The following DCDC1 variants were observed in gnomAD, a reference collection of about 807,000 sequenced individuals.
DCDC1 encodes doublecortin domain containing 1.
In DCDC1, 200 loss-of-function variants were observed where a neutral mutation model predicts 178.3. That is an observed-to-expected ratio of 1.12 (90% confidence interval 1.00 to 1.26). The LOEUF (loss-of-function observed/expected upper bound fraction) is 1.26. Among genes scored for constraint, DCDC1 ranks in the 50% most tolerant of loss-of-function variants. DCDC1 has a pLI of 0.00. For synonymous variants in DCDC1, 690 were observed against 604.8 expected (o/e 1.14, Z -2.07); for missense variants, 1,983 against 1,749.2 (o/e 1.13, Z -2.38).
chr11:31,201,613 A>C (rs528250459), intron 9 of DCDC1, among the ~76,000 whole-genome samples: 11 of 152,148 alleles, frequency 7.2e-5, no homozygotes, highest in Admixed American at 1.3e-4. Context: ...TTAAATAAAA[A>C]TATATTAAGA....
At chr11:31,008,198 G>A (rs576376639) in intron 20 of DCDC1, among the ~76,000 whole-genome samples, 1 of 152,336 alleles carries the variant, frequency 6.6e-6, no homozygotes, top group African/African-American at 2.4e-5. Context: ...GGATTAGGAA[G>A]TGGCAGTTGC....
intron 35 of DCDC1, 96 bp downstream of exon 35, chr11:30,894,152 A>C: frequency 6.8e-7 from 1 of 1,464,498 alleles, no homozygotes; most frequent in Non-Finnish European, 9.1e-7. Flanking sequence ...GATGCTGAGA[A>C]TATATTAACA....
At chr11:31,017,152 A>C (rs535324301) in intron 20 of DCDC1, among the ~76,000 whole-genome samples, 1 of 152,360 alleles carries the variant, frequency 6.6e-6, no homozygotes, top group Admixed American at 6.5e-5. Context: ...GATTAGCTAA[A>C]GAATAAAGCA....
intron 9 of DCDC1, among the ~76,000 whole-genome samples, chr11:31,182,068 A>G (rs1313621036): frequency 6.6e-6 from 1 of 152,240 alleles, no homozygotes; most frequent in African/African-American, 2.4e-5. Context: ...GAACAGACAA[A>G]GCCTCCAAGA....
rs760652210 is a variant in DCDC1, at chr11:30,906,540, C to T, written c.4104G>A (p.Glu1368=). The part of the protein sequence containing the change: ...QGPFKVISVA[E]VDLSCDKAEK... ...TAGCAGAGCTCAGATCATTACATAC[C>T]TCAGCCACACTGATGACCTTGAAGG... Residue 1368 remains glutamate (E), a splice_region_variant and synonymous_variant, in exon 30 of 39, where the codon GAG becomes GAA. Coordinates refer to ENST00000684477, the MANE Select transcript of DCDC1 (RefSeq NM_001387274.1). 4.3e-6 allele frequency: 7 copies of T among 1,611,698 alleles called. No individual in the cohort carries two copies. The highest frequency in any genetic ancestry group is 5.9e-6 in the Non-Finnish European group (7 of 1,178,936).
intron 9 of DCDC1, among the ~76,000 whole-genome samples, chr11:31,174,025 T>G (rs899231354): frequency 6.6e-6 from 1 of 152,102 alleles, no homozygotes; most frequent in Non-Finnish European, 1.5e-5. Flanking sequence ...TACACCCTTC[T>G]GAGTTTTCAG....
intron 9 of DCDC1, among the ~76,000 whole-genome samples, chr11:31,229,670 G>A (rs1975507060): frequency 6.6e-6 from 1 of 152,072 alleles, no homozygotes; most frequent in Admixed American, 6.5e-5. Flanking sequence ...GATATTAAGG[G>A]CCAATGACCA....
intron 38 of DCDC1, among the ~76,000 whole-genome samples, chr11:30,873,049 G>A (rs1170284412): frequency 1.3e-5 from 2 of 149,598 alleles, no homozygotes; most frequent in African/African-American, 2.5e-5. Context: ...CATATACCAT[G>A]TATATACAAG....
intron 34 of DCDC1, among the ~76,000 whole-genome samples, chr11:30,897,887 G>T (rs570634940): frequency 1.3e-5 from 2 of 152,094 alleles, no homozygotes; most frequent in African/African-American, 4.8e-5. Context: ...TGGAGGGGAA[G>T]TTCAAAGTGG....
rs923189117 is a variant in DCDC1, at chr11:31,116,739, A to G, written c.1486-6378T>C. Among the ~76,000 whole-genome samples the G allele has an allele frequency of 1.2e-4, 19 of 152,250 alleles. No individual in the cohort carries two copies. The South Asian group carries it at 3.3e-3, about 27-fold the overall frequency. ...GAAAAAGTGTTTTAATGCCTAATACATATGTCTTTAAATATTATTTAACAA... is the reference window on the plus strand; with the variant it reads ...GAAAAAGTGTTTTAATGCCTAATACGTATGTCTTTAAATATTATTTAACAA... On this transcript the variant is annotated intron_variant, in intron 11 of 38. Transcript: ENST00000684477.
At chr11:31,078,685 A>G (rs943237973) in intron 17 of DCDC1, among the ~76,000 whole-genome samples, 2 of 152,174 alleles carry the variant, frequency 1.3e-5, no homozygotes, top group Non-Finnish European at 2.9e-5. Context: ...AGTACACATT[A>G]GTCTTTAGCC....
intron 11 of DCDC1, among the ~76,000 whole-genome samples, chr11:31,111,665 T>C (rs1051061018): frequency 2.0e-5 from 3 of 152,158 alleles, no homozygotes; most frequent in Non-Finnish European, 4.4e-5. Flanking sequence ...GGGAAAAGAC[T>C]CTTACTGTCC....
intron 26 of DCDC1, among the ~76,000 whole-genome samples, chr11:30,916,378 C>T (rs1346173560): frequency 2.0e-5 from 3 of 152,162 alleles, no homozygotes; most frequent in Admixed American, 1.3e-4. Context: ...TCATGTGTTC[C>T]AGTGACTGCT....
intron 20 of DCDC1, among the ~76,000 whole-genome samples, chr11:31,022,885 C>T (rs1952980006): frequency 1.3e-5 from 2 of 151,924 alleles, no homozygotes; most frequent in Admixed American, 1.3e-4. Flanking sequence ...ATGGTAGTGA[C>T]TAAAGGATTG....
chr11:31,069,742 T>C (rs946087576), intron 18 of DCDC1, among the ~76,000 whole-genome samples: 1 of 152,190 alleles, frequency 6.6e-6, no homozygotes, highest in African/African-American at 2.4e-5. Flanking sequence ...CATCCTCTAA[T>C]AGAAATAAAG....
intron 9 of DCDC1, among the ~76,000 whole-genome samples, chr11:31,231,208 CT>C (rs1422818639): frequency 6.6e-6 from 1 of 152,158 alleles, no homozygotes; most frequent in Non-Finnish European, 1.5e-5. Context: ...AGCAATCCCC[CT>C]GCCTCTGCCT....
At chr11:31,302,252 A>G (rs897979550) in intron 6 of DCDC1, among the ~76,000 whole-genome samples, 1 of 152,158 alleles carries the variant, frequency 6.6e-6, no homozygotes, top group Non-Finnish European at 1.5e-5. Flanking sequence ...CATTACTTAC[A>G]TACAGCTCCT....
intron 8 of DCDC1, chr11:31,263,042 A>G (rs1229432525): frequency 6.2e-7 from 1 of 1,612,860 alleles, no homozygotes; most frequent in African/African-American, 1.3e-5. Context: ...TCTGGCATCC[A>G]TGAAGTATCA....
intron 11 of DCDC1, among the ~76,000 whole-genome samples, chr11:31,127,011 T>C (rs1961728843): frequency 6.6e-6 from 1 of 152,220 alleles, no homozygotes; most frequent in Non-Finnish European, 1.5e-5. Context: ...GTCACACTTA[T>C]CCAATACAGA....
Sources: gnomAD v4.1 joint callset for allele counts (sites outside exome capture counted in the v4.1 genomes callset) on GRCh38, gnomAD v4.1.1 for gene constraint, MANE v1.5 for transcripts, NCBI Gene and HGNC (gene_info 2026-07-23, HGNC 2026-07-21) for gene names.